The following CNTNAP2 variants were observed in gnomAD, a reference collection of about 807,000 sequenced individuals.
CNTNAP2 encodes contactin-associated protein-like 2.
Under a neutral mutation model 155.2 loss-of-function variants are expected in CNTNAP2, and 98 were observed. The ratio of observed to expected loss-of-function variants is 0.63; its 90% CI spans 0.54 to 0.75. CNTNAP2 has a LOEUF of 0.75. Among genes scored for constraint, CNTNAP2 ranks in the 30% least tolerant of loss-of-function variants. CNTNAP2 has a pLI of 0.00. For missense variants in CNTNAP2, 1,727 were observed against 1,688.1 expected (o/e 1.02, Z -0.40); for synonymous variants, 651 against 631.2 (o/e 1.03, Z -0.47).
intron 12 of CNTNAP2, among the ~76,000 whole-genome samples, chr7:147,562,982 A>C (rs1584815810): frequency 6.6e-6 from 1 of 152,184 alleles, no homozygotes; most frequent in East Asian, 1.9e-4. Context: ...ACTCCTGGGC[A>C]TAATATGATA....
At chr7:146,594,119 A>G (rs1798824298) in intron 1 of CNTNAP2, among the ~76,000 whole-genome samples, 1 of 152,008 alleles carries the variant, frequency 6.6e-6, no homozygotes, top group Admixed American at 6.6e-5. Flanking sequence ...CCATCCACTG[A>G]CTCACATCGT....
chr7:148,401,701 C>T (rs1050082300), intron 22 of CNTNAP2, among the ~76,000 whole-genome samples: 1 of 151,960 alleles, frequency 6.6e-6, no homozygotes, highest in Non-Finnish European at 1.5e-5. Context: ...CGGGTTCATG[C>T]TATTCTCCTG....
At chr7:146,308,840 C>G (rs59766839) in intron 1 of CNTNAP2, among the ~76,000 whole-genome samples, 40,581 of 151,602 alleles carry the variant, frequency 0.27, 14,035 homozygotes, top group African/African-American at 0.81. Context: ...GGTGGGGAGA[C>G]GGGGGAGGGA....
At chr7:147,389,229 T>C (rs1796670362) in intron 9 of CNTNAP2, among the ~76,000 whole-genome samples, 4 of 152,176 alleles carry the variant, frequency 2.6e-5, no homozygotes, top group African/African-American at 9.7e-5. Flanking sequence ...CTAGTAGATA[T>C]TTTGTGCAAT....
At chr7:146,717,478 C>T (rs1169850121) in intron 1 of CNTNAP2, among the ~76,000 whole-genome samples, 1 of 151,966 alleles carries the variant, frequency 6.6e-6, no homozygotes, top group East Asian at 1.9e-4. Context: ...CACGCCACTG[C>T]ACTCCAGCTT....
At chr7:147,426,548 A>T (rs975397174) in intron 10 of CNTNAP2, among the ~76,000 whole-genome samples, 10 of 152,232 alleles carry the variant, frequency 6.6e-5, no homozygotes, top group African/African-American at 2.4e-4. Flanking sequence ...ACTTTTTCTA[A>T]TGTATCCTGC....
chr7:148,047,184 A>G (rs1293188897), intron 15 of CNTNAP2, among the ~76,000 whole-genome samples: 25 of 152,228 alleles, frequency 1.6e-4, no homozygotes, highest in Admixed American at 1.6e-3. Flanking sequence ...CATTATTCAC[A>G]GGAGTATGAC....
chr7:147,707,151 A>G (rs1414540355), intron 13 of CNTNAP2, among the ~76,000 whole-genome samples: 1 of 152,318 alleles, frequency 6.6e-6, no homozygotes, highest in East Asian at 1.9e-4. Flanking sequence ...ATATATTGCC[A>G]GAAAATTCTT....
intron 3 of CNTNAP2, among the ~76,000 whole-genome samples, chr7:147,023,659 G>A (rs1013862078): frequency 4.6e-5 from 7 of 151,976 alleles, no homozygotes; most frequent in South Asian, 2.1e-4. Flanking sequence ...CACTAAATCT[G>A]TTCTGCCAGG....
At chr7:147,187,715 C>T (rs1389885859) in intron 8 of CNTNAP2, among the ~76,000 whole-genome samples, 1 of 152,162 alleles carries the variant, frequency 6.6e-6, no homozygotes, top group South Asian at 2.1e-4. Flanking sequence ...TTGTAAAAAC[C>T]TGCATCTGTA....
chr7:146,157,557 G>A (rs1798145981), intron 1 of CNTNAP2, among the ~76,000 whole-genome samples: 1 of 152,146 alleles, frequency 6.6e-6, no homozygotes. Context: ...TTTTCCAATG[G>A]CCTTAGGAAA....
chr7:147,166,531 A>G (rs1802116815), intron 8 of CNTNAP2, among the ~76,000 whole-genome samples: 1 of 152,106 alleles, frequency 6.6e-6, no homozygotes, highest in Non-Finnish European at 1.5e-5. Context: ...TTCCCCAAAA[A>G]CCTGTGGAAA....
chr7:146,528,078 G>A (rs573597576), intron 1 of CNTNAP2, among the ~76,000 whole-genome samples: 132 of 152,016 alleles, frequency 8.7e-4, no homozygotes, highest in Non-Finnish European at 1.5e-3. Context: ...TTCTCAAAGA[G>A]GGCATTAAAA....
chr7:146,891,286 A>G (rs974862255), intron 3 of CNTNAP2, among the ~76,000 whole-genome samples: 1 of 152,150 alleles, frequency 6.6e-6, no homozygotes, highest in Non-Finnish European at 1.5e-5. Flanking sequence ...CTAAAAAACT[A>G]CTTATTGGGT....
chr7:146,571,744 T>G (rs1798443284), intron 1 of CNTNAP2, among the ~76,000 whole-genome samples: 1 of 151,796 alleles, frequency 6.6e-6, no homozygotes, highest in African/African-American at 2.4e-5. Context: ...CTTTTTTTTT[T>G]TTTTTGAGAC....
At chr7:146,186,893 T>C (rs1325492749) in intron 1 of CNTNAP2, among the ~76,000 whole-genome samples, 1 of 152,154 alleles carries the variant, frequency 6.6e-6, no homozygotes, top group East Asian at 1.9e-4. Flanking sequence ...CATAATGCAT[T>C]CAAACAACTT....
intron 1 of CNTNAP2, among the ~76,000 whole-genome samples, chr7:146,520,313 C>CATATATATAT (rs59563196): frequency 3.8e-4 from 53 of 140,818 alleles, no homozygotes; most frequent in African/African-American, 6.2e-4. Context: ...TAGATATATT[C>CATATATATAT]ATATATATAT....
chr7:146,783,877 A>T (rs1355773802), intron 2 of CNTNAP2, among the ~76,000 whole-genome samples: 1 of 152,212 alleles, frequency 6.6e-6, no homozygotes, highest in East Asian at 1.9e-4. Context: ...CTTTAAGGCC[A>T]GCAGAATACA....
chr7:146,804,855 A>C (rs776820776), intron 2 of CNTNAP2, among the ~76,000 whole-genome samples: 12 of 152,210 alleles, frequency 7.9e-5, no homozygotes, highest in Non-Finnish European at 1.5e-4. Context: ...CAATCATCAT[A>C]ATCCACTTTC....
Sources: allele counts gnomAD v4.1 joint callset (sites outside exome capture counted in the v4.1 genomes callset), GRCh38; gene constraint gnomAD v4.1.1; transcripts MANE v1.5; gene names NCBI Gene and HGNC (gene_info 2026-07-23, HGNC 2026-07-21).